MBNL3: variants seen among roughly 807,000 people sequenced by gnomAD.
MBNL3 encodes the protein muscleblind like splicing regulator 3.
MBNL3 carries 6 observed loss-of-function variants against 24.5 expected under a neutral mutation model. That is an observed-to-expected ratio of 0.25 (90% CI 0.13 to 0.48). The LOEUF (loss-of-function observed/expected upper bound fraction) is 0.48, where lower values mean the gene tolerates loss of function less well. Ranked by LOEUF, MBNL3 falls within the 20% of genes least tolerant of loss-of-function variation. MBNL3 has a pLI of 0.99. For missense variants in MBNL3, 230 were observed against 293.5 expected, an observed-to-expected ratio of 0.78 and a Z score of 1.58; for synonymous variants, 100 against 101.7, an observed-to-expected ratio of 0.98 and a Z score of 0.10.
At chrX:132,488,664 GGAA>G (rs1380447191) in intron 1 of MBNL3, among the ~76,000 whole-genome samples, 184 bp downstream of exon 1, 2 of 112,383 alleles carry the variant, frequency 1.8e-5, no homozygotes, top group African/African-American at 6.5e-5. Flanking sequence ...AGGAAGAGAA[GGAA>G]GAAGAAAAAG....
chrX:132,415,857 A>C (rs991728223), intron 2 of MBNL3, among the ~76,000 whole-genome samples: 2 of 111,946 alleles, frequency 1.8e-5, no homozygotes, highest in Non-Finnish European at 3.8e-5. Flanking sequence ...ATATTTTGTT[A>C]GGGAAAATAT....
intron 2 of MBNL3, among the ~76,000 whole-genome samples, chrX:132,407,413 T>A (rs1941998661): frequency 8.9e-6 from 1 of 112,396 alleles, no homozygotes; most frequent in African/African-American, 3.2e-5. Context: ...TTGTTTTCTG[T>A]CGAGTTTGTC....
rs904144168 is a variant in MBNL3 at position 132,397,085 on chromosome X, A to T, written c.343-4751T>A. Among the ~76,000 whole-genome samples, 3 of 103,449 alleles carry T rather than the reference A, an allele frequency of 2.9e-5. 1 individual carries two copies. Among genetic ancestry groups the T allele is most frequent in the Non-Finnish European group, 5.9e-5 (3 of 50,950 alleles). The allele number at this position is 103,449 out of a possible 115,157, so 89.8% of individuals were successfully genotyped here. On this transcript the variant is annotated intron_variant, in intron 3 of 8. Coordinates refer to ENST00000370853, the MANE Select transcript of MBNL3 (RefSeq NM_001386889.1). ...GGTATTCACTAAAATGTTCTTTTAC[A>T]TAGTTACTAATATTAGGATTAGGAT...
At chrX:132,418,217 GAAACA>G (rs1943471823) in intron 2 of MBNL3, among the ~76,000 whole-genome samples, 2 of 112,037 alleles carry the variant, frequency 1.8e-5, no homozygotes, top group African/African-American at 6.5e-5. Flanking sequence ...ACTAGTCATA[GAAACA>G]AAACTAATTT....
chrX:132,427,376 T>TA (rs1487650273), intron 2 of MBNL3, among the ~76,000 whole-genome samples: 3 of 111,005 alleles, frequency 2.7e-5, no homozygotes, highest in Admixed American at 1.9e-4. Context: ...TTTTGGTTAG[T>TA]AAAAAAAGTA....
rs1031599016 is a variant in MBNL3, at chrX:132,437,947, C to CA, written c.177+1487dup. 3,409 of 550,123 alleles carry CA rather than the reference C, an allele frequency of 6.2e-3. 1 individual carries two copies. The highest frequency in any genetic ancestry group is 6.7e-3 in the Non-Finnish European group (3,086 of 458,619). 45.3% of individuals were successfully genotyped at this position (550,123 alleles called of 1,213,427 possible). On this transcript the variant is annotated intron_variant, in intron 2 of 8. Transcript: ENST00000370853. Reference sequence around the variant, plus strand: ...TCTATTCTTAAAATGGAATGGTCTGCAAAAAAAAACAAAAAACAAAAAACT... The same window carrying CA: ...TCTATTCTTAAAATGGAATGGTCTGCAAAAAAAAAACAAAAAACAAAAAACT...
chrX:132,393,861 T>C (rs1937568392), intron 3 of MBNL3, among the ~76,000 whole-genome samples: 1 of 111,317 alleles, frequency 9.0e-6, no homozygotes, highest in African/African-American at 3.3e-5. Context: ...GAAACAAGTC[T>C]AAATACAAAT....
rs767817601 is a variant in MBNL3, at chrX:132,396,592, C to A, written c.343-4258G>T. Among the ~76,000 whole-genome samples the A allele has an allele frequency of 4.4e-3, 179 of 40,863 alleles. 1 individual carries two copies. The highest frequency in any genetic ancestry group is 6.2e-3 in the Non-Finnish European group (151 of 24,338). 35.5% of individuals were successfully genotyped at this position (40,863 alleles called of 115,157 possible). ...CCTATATATATTCCTATATATATTC[C>A]TATATATATTCCTATATATATTCAT... On this transcript the variant is annotated intron_variant, in intron 3 of 8. Coordinates refer to ENST00000370853, the MANE Select transcript of MBNL3 (RefSeq NM_001386889.1).
Position 132,413,172 on chromosome X carries a change from G to A in MBNL3, c.178-6780C>T, listed in dbSNP as rs188897234. 8.1e-5 allele frequency among the ~76,000 whole-genome samples: 9 copies of A among 111,235 alleles called. No individual in the cohort carries two copies. In the East Asian group the frequency reaches 2.6e-3, roughly 32 times the overall value. On this transcript the variant is annotated intron_variant, in intron 2 of 8. Coordinates refer to ENST00000370853, the MANE Select transcript of MBNL3 (RefSeq NM_001386889.1). ...CTAGGCTTCTTTACCTCCTTTTTCT[G>A]GACACCCCATCCACTCACTTGCCAC...
chrX:132,473,627 C>T (rs752424959), intron 1 of MBNL3, among the ~76,000 whole-genome samples: 1 of 110,631 alleles, frequency 9.0e-6, no homozygotes, highest in South Asian at 3.8e-4. Context: ...CACACACACG[C>T]ACACAAAAAA....
intron 3 of MBNL3, among the ~76,000 whole-genome samples, chrX:132,404,505 G>A (rs755152540): frequency 1.8e-5 from 2 of 112,393 alleles, no homozygotes; most frequent in South Asian, 7.4e-4. Flanking sequence ...GGAGCTTTGA[G>A]GAGTTCACCT....
chrX:132,405,934 ATT>A (rs1458109598), intron 3 of MBNL3, among the ~76,000 whole-genome samples: 3 of 109,544 alleles, frequency 2.7e-5, no homozygotes, highest in Non-Finnish European at 5.7e-5. Flanking sequence ...GAACAAGAAA[ATT>A]TGTTTGAATT....
chrX:132,448,972 A>C (rs1351090260), intron 1 of MBNL3, among the ~76,000 whole-genome samples: 4 of 111,855 alleles, frequency 3.6e-5, no homozygotes, highest in Non-Finnish European at 7.5e-5. Context: ...CTTAATCCTG[A>C]GTTCTCATTT....
chrX:132,424,795 G>GT (rs772429282), intron 2 of MBNL3, among the ~76,000 whole-genome samples: 1,900 of 93,372 alleles, frequency 0.02, 32 homozygotes, highest in African/African-American at 0.063. Flanking sequence ...CTTTCCTTCT[G>GT]TTTTTTTTTT....
chrX:132,469,901 TA>T, intron 1 of MBNL3, among the ~76,000 whole-genome samples: 1 of 112,056 alleles, frequency 8.9e-6, no homozygotes, highest in Middle Eastern at 4.6e-3. Context: ...CCACTAACAC[TA>T]ATCTGCTTTC....
rs1359549341 is a variant in MBNL3, at chrX:132,396,787, TATATATATTC to T, written c.343-4463_343-4454del. The stretch of plus-strand genomic sequence containing the variant: ...ATTCATATATACATATATATATTCA[TATATATATTC>T]ATATATATTCATATATACATATATA... On this transcript the variant is annotated intron_variant, in intron 3 of 8. Coordinates refer to ENST00000370853, the MANE Select transcript of MBNL3 (RefSeq NM_001386889.1). 2.1e-4 allele frequency among the ~76,000 whole-genome samples: 5 copies of T among 23,741 alleles called. 2 individuals are homozygous for T. Among genetic ancestry groups the T allele is most frequent in the African/African-American group, 8.3e-4 (2 of 2,418 alleles). The allele number at this position is 23,741 out of a possible 115,157, so 20.6% of individuals were successfully genotyped here.
intron 1 of MBNL3, among the ~76,000 whole-genome samples, chrX:132,447,436 T>C (rs1024672267): frequency 4.5e-5 from 5 of 111,619 alleles, no homozygotes; most frequent in Non-Finnish European, 7.5e-5. Context: ...TCCTTGAGCA[T>C]TGGTTTGTAC....
intron 1 of MBNL3, among the ~76,000 whole-genome samples, chrX:132,458,932 TATC>T (rs1946506046): frequency 9.3e-6 from 1 of 107,693 alleles, no homozygotes; most frequent in South Asian, 4.3e-4. Flanking sequence ...ATGGTTGAAA[TATC>T]TTCTTCTACC....
intron 6 of MBNL3, among the ~76,000 whole-genome samples, chrX:132,385,800 G>A (rs1192698477): frequency 9.2e-6 from 1 of 108,957 alleles, no homozygotes; most frequent in Non-Finnish European, 1.9e-5. Context: ...TCAAGTCTGG[G>A]TATTAACAAG....
Sources: allele counts gnomAD v4.1 joint callset (sites outside exome capture counted in the v4.1 genomes callset), GRCh38; gene constraint gnomAD v4.1.1; transcripts MANE v1.5; gene names NCBI Gene and HGNC (gene_info 2026-07-23, HGNC 2026-07-21).